SHQ1: variants seen among roughly 807,000 people sequenced by gnomAD.
SHQ1 encodes SHQ1, H/ACA ribonucleoprotein assembly factor.
SHQ1 carries 49 observed loss-of-function variants against 53.8 expected under a neutral mutation model. The ratio of observed to expected loss-of-function variants is 0.91; its 90% CI spans 0.72 to 1.16. The LOEUF (loss-of-function observed/expected upper bound fraction) is 1.16, where lower values mean the gene tolerates loss of function less well. Ranked by LOEUF, SHQ1 falls within the 50% of genes most tolerant of loss-of-function variation. SHQ1 has a pLI of 0.00. For synonymous variants in SHQ1, 243 were observed against 251.0 expected, an observed-to-expected ratio of 0.97 and a Z score of 0.30; for missense variants, 738 against 683.1, an observed-to-expected ratio of 1.08 and a Z score of -0.90.
chr3:72,846,116 G>A, intron 1 of SHQ1: 1 of 1,182,546 alleles, frequency 8.5e-7, no homozygotes. Context: ...CAACAGGTGA[G>A]CATTCAGAAA....
At chr3:72,765,530 CATATATATAT>C (rs10551107) in intron 10 of SHQ1, among the ~76,000 whole-genome samples, 2 of 83,510 alleles carry the variant, frequency 2.4e-5, no homozygotes, top group East Asian at 5.9e-4. Context: ...ATTCACATGA[CATATATATAT>C]ATATATATAT....
intron 10 of SHQ1, among the ~76,000 whole-genome samples, chr3:72,769,436 T>C (rs1041998993): frequency 2.0e-5 from 3 of 152,152 alleles, no homozygotes; most frequent in African/African-American, 7.2e-5. Context: ...CCTAACATAG[T>C]CTGTATATCT....
rs562888308 is a variant in SHQ1 at position 72,774,686 on chromosome 3, GAAGA to G, written c.1181+18226_1181+18229del. ...TATATTTGAAAATTTAGTTTTACAT[GAAGA>G]AAGAGTCAATGTTAGCAAGTTACTA... On this transcript the variant is annotated intron_variant, in intron 10 of 10. Coordinates refer to ENST00000325599, the MANE Select transcript of SHQ1 (RefSeq NM_018130.3). Among the ~76,000 whole-genome samples the G allele has an allele frequency of 4.5e-4, 68 of 152,324 alleles. 1 individual carries two copies. In the South Asian group the frequency reaches 6.8e-3, roughly 15 times the overall value.
At chr3:72,765,834 T>A (rs1019573730) in intron 10 of SHQ1, among the ~76,000 whole-genome samples, 1 of 152,118 alleles carries the variant, frequency 6.6e-6, no homozygotes, top group African/African-American at 2.4e-5. Context: ...ATTACAGGCA[T>A]GAGCCACTGT....
At chr3:72,791,031 C>CT (rs1247704717) in intron 10 of SHQ1, among the ~76,000 whole-genome samples, 2 of 152,140 alleles carry the variant, frequency 1.3e-5, no homozygotes, top group Non-Finnish European at 2.9e-5. Context: ...ATCCCTACAT[C>CT]TACTTGGCAG....
intron 10 of SHQ1, among the ~76,000 whole-genome samples, chr3:72,783,829 A>G (rs1198105754): frequency 6.6e-6 from 1 of 152,138 alleles, no homozygotes; most frequent in African/African-American, 2.4e-5. Context: ...CTTACCTTTC[A>G]TAGCATTTAA....
At chr3:72,825,930 C>A (rs1249313583) in intron 5 of SHQ1, among the ~76,000 whole-genome samples, 2 of 152,130 alleles carry the variant, frequency 1.3e-5, no homozygotes, top group East Asian at 3.8e-4. Flanking sequence ...GCACTAAAAG[C>A]TTTGCATCCA....
intron 5 of SHQ1, among the ~76,000 whole-genome samples, chr3:72,829,235 T>A (rs1575729513): frequency 6.6e-6 from 1 of 152,238 alleles, no homozygotes; most frequent in Non-Finnish European, 1.5e-5. Flanking sequence ...ATTTTGGACA[T>A]GTTGAACAGA....
chr3:72,790,350 CTG>C (rs1314173180), intron 10 of SHQ1, among the ~76,000 whole-genome samples: 3 of 152,212 alleles, frequency 2.0e-5, no homozygotes, highest in Non-Finnish European at 4.4e-5. Context: ...ATATATCTGA[CTG>C]TAAAAATGGA....
chr3:72,838,004 T>C (rs1019595929), intron 4 of SHQ1, among the ~76,000 whole-genome samples: 1 of 152,262 alleles, frequency 6.6e-6, no homozygotes, highest in Non-Finnish European at 1.5e-5. Context: ...CACAGTGCTA[T>C]CCAAATCCCC....
At chr3:72,751,613 A>G (rs1335043634) in intron 10 of SHQ1, among the ~76,000 whole-genome samples, 3 of 151,072 alleles carry the variant, frequency 2.0e-5, no homozygotes, top group African/African-American at 7.3e-5. Context: ...AAAAATGGAC[A>G]GAAGATACAA....
At chr3:72,747,127 T>C (rs980511423), downstream of SHQ1, among the ~76,000 whole-genome samples, 1 of 152,238 alleles carries the variant, frequency 6.6e-6, no homozygotes, top group Non-Finnish European at 1.5e-5. Flanking sequence ...TTAATGATGC[T>C]ACTGAGATTA....
At chr3:72,787,975 C>T (rs1052053212) in intron 10 of SHQ1, among the ~76,000 whole-genome samples, 4 of 152,212 alleles carry the variant, frequency 2.6e-5, no homozygotes, top group African/African-American at 7.2e-5. Flanking sequence ...CTCAGCCTCC[C>T]GAGGTGCCGG....
chr3:72,782,699 T>C (rs1246042888), intron 10 of SHQ1, among the ~76,000 whole-genome samples: 1 of 152,208 alleles, frequency 6.6e-6, no homozygotes, highest in African/African-American at 2.4e-5. Context: ...GTTTCAATCA[T>C]AATAGACAGA....
chr3:72,841,225 T>G, intron 3 of SHQ1, 26 bp from the exon 4 acceptor site: 1 of 1,583,442 alleles, frequency 6.3e-7, no homozygotes, highest in South Asian at 1.2e-5. Context: ...TTTAATTTTT[T>G]TTAAGTATTG....
chr3:72,751,363 T>C lies in SHQ1; in HGVS notation c.1182-527A>G, dbSNP rs139364543. Among the ~76,000 whole-genome samples, 697 of 151,948 alleles carry C rather than the reference T, an allele frequency of 4.6e-3. 7 individuals are homozygous for C. Among genetic ancestry groups the C allele is most frequent in the African/African-American group, 0.015 (635 of 41,374 alleles). On this transcript the variant is annotated intron_variant, in intron 10 of 10. Transcript: ENST00000325599. ...TGAATTCAGGAGGTGGAGGTTGCAG[T>C]GAGCCAAGATCACACCACTGCACTC...
chr3:72,814,377 C>T (rs140700853), intron 8 of SHQ1: 11 of 152,306 alleles, frequency 7.2e-5, no homozygotes, highest in South Asian at 4.1e-4. Flanking sequence ...ATACAAACTC[C>T]GTAGAGATCT....
intron 10 of SHQ1, among the ~76,000 whole-genome samples, chr3:72,791,020 A>G (rs922879145): frequency 1.3e-5 from 2 of 152,300 alleles, no homozygotes; most frequent in South Asian, 4.1e-4. Context: ...AAGGTCTGAT[A>G]ATCCCTACAT....
chr3:72,802,385 AATCTAATTTC>A (rs1239639069), intron 9 of SHQ1, among the ~76,000 whole-genome samples: 2 of 152,128 alleles, frequency 1.3e-5, no homozygotes, highest in Non-Finnish European at 2.9e-5. Flanking sequence ...CTGCCAGATG[AATCTAATTTC>A]ATAAGCCTCT....
Sources: allele counts gnomAD v4.1 joint callset (sites outside exome capture counted in the v4.1 genomes callset), GRCh38; gene constraint gnomAD v4.1.1; transcripts MANE v1.5; gene names NCBI Gene and HGNC (gene_info 2026-07-23, HGNC 2026-07-21).